OPHN1: variants seen among roughly 807,000 people sequenced by gnomAD.
OPHN1 encodes the protein oligophrenin 1.
Under a neutral mutation model 60.7 loss-of-function variants are expected in OPHN1, and 11 were observed. The ratio of observed to expected loss-of-function variants is 0.18; its 90% CI spans 0.11 to 0.30. The LOEUF is 0.30. OPHN1 is among the 10% of genes least tolerant of loss of function. OPHN1 has a pLI of 1.00. For synonymous variants in OPHN1, 226 were observed against 222.6 expected (o/e 1.02, Z -0.14); for missense variants, 449 against 611.0 (o/e 0.73, Z 2.80).
At chrX:68,315,497 C>T (rs2078195162) in intron 2 of OPHN1, among the ~76,000 whole-genome samples, 1 of 111,608 alleles carries the variant, frequency 9.0e-6, no homozygotes, top group Non-Finnish European at 1.9e-5. Context: ...TAATATCATA[C>T]TCAATTATTA....
intron 15 of OPHN1, 81 bp from the exon 16 acceptor site, chrX:68,119,413 A>C: frequency 1.4e-6 from 1 of 699,032 alleles, no homozygotes. Context: ...AGAAAAACAA[A>C]GTATATTACC....
At chrX:68,243,245 C>T (rs756360401) in intron 5 of OPHN1, among the ~76,000 whole-genome samples, 137 of 110,897 alleles carry the variant, frequency 1.2e-3, no homozygotes, top group Non-Finnish European at 2.1e-3. Flanking sequence ...CATTCCTTAC[C>T]GGGTACAGAG....
At chrX:68,208,813 C>A (rs889141173) in intron 9 of OPHN1, among the ~76,000 whole-genome samples, 25 of 111,975 alleles carry the variant, frequency 2.2e-4, no homozygotes, top group African/African-American at 7.8e-4. Flanking sequence ...CTGGAGATTA[C>A]TATGAGCACA....
intron 2 of OPHN1, among the ~76,000 whole-genome samples, chrX:68,362,099 C>T (rs1330725230): frequency 2.7e-5 from 3 of 112,063 alleles, no homozygotes; most frequent in African/African-American, 9.7e-5. Flanking sequence ...GCCTGAGTTC[C>T]TTACATATTT....
chrX:68,046,516 G>T lies in OPHN1; in HGVS notation c.*656C>A, dbSNP rs1257305170. 1 of 112,163 alleles carries T rather than the reference G, an allele frequency of 8.9e-6. No individual in the cohort carries two copies. The highest frequency in any genetic ancestry group is 2.8e-4 in the East Asian group (1 of 3,549). 9.2% of individuals were successfully genotyped at this position (112,163 alleles called of 1,213,427 possible). A position where few individuals can be genotyped will look rare whatever the true frequency, so the allele number is the denominator to read the frequency against. On this transcript the variant is annotated 3_prime_UTR_variant, in exon 25 of 25. Coordinates refer to ENST00000355520, the MANE Select transcript of OPHN1 (RefSeq NM_002547.3). ...TCCTAAGTGGCTGCATGTAACAGCAGGAAGGCCACCTTCCTAAGTCCACAT... is the reference window on the plus strand; with the variant it reads ...TCCTAAGTGGCTGCATGTAACAGCATGAAGGCCACCTTCCTAAGTCCACAT...
intron 2 of OPHN1, among the ~76,000 whole-genome samples, chrX:68,315,899 A>G (rs753364757): frequency 8.9e-6 from 1 of 112,017 alleles, no homozygotes; most frequent in South Asian, 3.7e-4. Context: ...CATTAATGAA[A>G]GAAATTAAAG....
chrX:68,317,573 AAG>A (rs1216794135), intron 2 of OPHN1, among the ~76,000 whole-genome samples: 963 of 81,844 alleles, frequency 0.012, 52 homozygotes, highest in African/African-American at 0.058. Flanking sequence ...GAAAGAAAGA[AAG>A]AGAAAGAAAG....
chrX:68,314,376 C>T (rs969094049), intron 2 of OPHN1, among the ~76,000 whole-genome samples: 11 of 110,441 alleles, frequency 1.0e-4, no homozygotes, highest in African/African-American at 3.6e-4. Context: ...ACAAAATTAG[C>T]CGGGCGTGGT....
chrX:68,205,099 T>C (rs2077552034), intron 10 of OPHN1, among the ~76,000 whole-genome samples: 1 of 111,697 alleles, frequency 9.0e-6, no homozygotes, highest in South Asian at 3.8e-4. Context: ...AAAGGTGCTT[T>C]GGCAACTGGC....
intron 15 of OPHN1, among the ~76,000 whole-genome samples, chrX:68,183,671 AT>A (rs765241429): frequency 1.0e-5 from 1 of 99,330 alleles, no homozygotes; most frequent in Admixed American, 1.0e-4. Context: ...TTTAAAAAAA[AT>A]ACAATTAAAA....
intron 19 of OPHN1, among the ~76,000 whole-genome samples, chrX:68,086,195 C>T (rs866355392): frequency 1.7e-5 from 1 of 57,689 alleles, no homozygotes; most frequent in Non-Finnish European, 4.0e-5. Flanking sequence ...AAAAAAAAAG[C>T]AGAAATAAAT....
chrX:68,431,595 T>TTC (rs2078886304), intron 2 of OPHN1, among the ~76,000 whole-genome samples: 1 of 107,609 alleles, frequency 9.3e-6, no homozygotes, highest in Non-Finnish European at 1.9e-5. Flanking sequence ...TTTTTTTTTT[T>TTC]TTTTGTATTT....
intron 24 of OPHN1, 99 bp downstream of exon 24, chrX:68,048,317 C>A: frequency 2.6e-6 from 2 of 767,632 alleles, no homozygotes; most frequent in Non-Finnish European, 4.0e-6. Context: ...AGTTCCCACC[C>A]TTCTGATCTA....
chrX:68,306,098 T>C (rs1448333616), intron 2 of OPHN1, among the ~76,000 whole-genome samples: 1 of 112,304 alleles, frequency 8.9e-6, no homozygotes, highest in East Asian at 2.8e-4. Context: ...CCCAGCTGGA[T>C]AGTTCTCAGT....
intron 21 of OPHN1, among the ~76,000 whole-genome samples, chrX:68,057,742 T>C (rs1440566549): frequency 8.9e-6 from 1 of 111,855 alleles, no homozygotes. Flanking sequence ...CTCTCTTGCC[T>C]CTAATGTGTC....
intron 23 of OPHN1, 63 bp downstream of exon 23, chrX:68,052,477 T>C: frequency 1.0e-6 from 1 of 985,597 alleles, no homozygotes; most frequent in Non-Finnish European, 1.4e-6. Flanking sequence ...AGCACAATTG[T>C]ATGCTAAGGA....
chrX:68,102,564 TA>T (rs1006656687), intron 18 of OPHN1, among the ~76,000 whole-genome samples: 2 of 109,918 alleles, frequency 1.8e-5, no homozygotes, highest in Non-Finnish European at 3.8e-5. Context: ...AAAAATGCAT[TA>T]AAAAAAATCA....
intron 5 of OPHN1, among the ~76,000 whole-genome samples, chrX:68,265,057 G>A (rs368426044): frequency 1.8e-5 from 2 of 112,549 alleles, no homozygotes; most frequent in Non-Finnish European, 3.8e-5. Flanking sequence ...GGAGCCCACC[G>A]CAGCTCAAGG....
intron 3 of OPHN1, among the ~76,000 whole-genome samples, chrX:68,291,778 A>T (rs1041732139): frequency 9.0e-6 from 1 of 110,937 alleles, no homozygotes; most frequent in Non-Finnish European, 1.9e-5. Context: ...TAAGACTTGC[A>T]GGTGACTCCC....
Sources: gnomAD v4.1 joint callset for allele counts (sites outside exome capture counted in the v4.1 genomes callset) on GRCh38, gnomAD v4.1.1 for gene constraint, MANE v1.5 for transcripts, NCBI Gene and HGNC (gene_info 2026-07-23, HGNC 2026-07-21) for gene names.